The following CALD1 variants were observed in gnomAD, a reference collection of about 807,000 sequenced individuals.
The protein encoded by CALD1 is caldesmon 1, also known as caldesmon.
Under a neutral mutation model 99.9 loss-of-function variants are expected in CALD1, and 33 were observed. The ratio of observed to expected loss-of-function variants is 0.33; its 90% confidence interval spans 0.25 to 0.44. The LOEUF (loss-of-function observed/expected upper bound fraction) is 0.44. Among genes scored for constraint, CALD1 ranks in the 20% least tolerant of loss-of-function variants. CALD1 has a pLI of 1.00. For missense variants in CALD1, 861 were observed against 962.1 expected, an observed-to-expected ratio of 0.89 and a Z score of 1.39; for synonymous variants, 310 against 325.0, an observed-to-expected ratio of 0.95 and a Z score of 0.50.
At chr7:134,785,320 A>C (rs1447279003) in intron 1 of CALD1, among the ~76,000 whole-genome samples, 1 of 152,208 alleles carries the variant, frequency 6.6e-6, no homozygotes, top group Non-Finnish European at 1.5e-5. Context: ...TTTTGGGAAA[A>C]AACATTCTGG....
intron 1 of CALD1, among the ~76,000 whole-genome samples, chr7:134,789,219 C>G (rs1425996072): frequency 6.6e-6 from 1 of 152,030 alleles, no homozygotes; most frequent in Non-Finnish European, 1.5e-5. Flanking sequence ...TTCATAACAG[C>G]TAATTTTACA....
chr7:134,884,079 G>T (rs1801736317), intron 3 of CALD1, among the ~76,000 whole-genome samples: 1 of 150,646 alleles, frequency 6.6e-6, no homozygotes, highest in Admixed American at 6.6e-5. Flanking sequence ...TCCAGCCTGG[G>T]CAACAAGAGT....
chr7:134,886,399 G>A (rs1563068017), intron 3 of CALD1, among the ~76,000 whole-genome samples: 1 of 152,102 alleles, frequency 6.6e-6, no homozygotes, highest in Non-Finnish European at 1.5e-5. Flanking sequence ...GAAGAAAAAA[G>A]AAAAAGCAAA....
chr7:134,715,152 T>C, the CALD1 span, among the ~76,000 whole-genome samples: 1 of 152,194 alleles, frequency 6.6e-6, no homozygotes, highest in Non-Finnish European at 1.5e-5. Context: ...TTCAACTCTT[T>C]AGAAAAAGAA....
In CALD1 at chr7:134,934,042, G is replaced by GAA; in HGVS notation, c.1274_1275dup (p.Asp426LysfsTer9). On this transcript the variant is annotated frameshift_variant, in exon 5 of 15. Coordinates refer to ENST00000361675, the MANE Select transcript of CALD1 (RefSeq NM_033138.4). LOFTEE classifies it high-confidence loss of function. ...ATGGGTAAATGAAAAGAAAGCACAA[G>GAA]AAGATAAACTTCAGACAGCTGTCCT... The GAA allele has an allele frequency of 6.2e-7, 1 of 1,612,402 alleles. No individual in the cohort carries two copies. Among genetic ancestry groups the GAA allele is most frequent in the Non-Finnish European group, 8.5e-7 (1 of 1,179,542 alleles).
chr7:134,717,492 GT>G, the CALD1 span, among the ~76,000 whole-genome samples: 2 of 152,196 alleles, frequency 1.3e-5, no homozygotes, highest in Admixed American at 6.5e-5. Context: ...CCAACTAAAT[GT>G]ACCTGCTTTG....
At chr7:134,824,451 TCTTCTCCTTCTTCTC>T (rs1798905823) in intron 1 of CALD1, among the ~76,000 whole-genome samples, 1 of 150,214 alleles carries the variant, frequency 6.7e-6, no homozygotes. Context: ...TCCTCCTCCT[TCTTCTCCTTCTTCTC>T]CTTCTCCTTC....
At chr7:134,964,591 C>T (rs1231084448) in intron 13 of CALD1, among the ~76,000 whole-genome samples, 2 of 152,116 alleles carry the variant, frequency 1.3e-5, no homozygotes, top group Non-Finnish European at 2.9e-5. Flanking sequence ...CAGAGAAAGT[C>T]CCTAGGCAGA....
chr7:134,964,473 T>C (rs1808518778), intron 13 of CALD1, among the ~76,000 whole-genome samples: 1 of 152,124 alleles, frequency 6.6e-6, no homozygotes, highest in South Asian at 2.1e-4. Flanking sequence ...AAAATAATAT[T>C]GCACCAACAT....
chr7:134,817,669 T>C (rs1206137023), intron 1 of CALD1, among the ~76,000 whole-genome samples: 1 of 152,066 alleles, frequency 6.6e-6, no homozygotes, highest in African/African-American at 2.4e-5. Flanking sequence ...CAGAACAAAG[T>C]CATTGTTCTA....
At chr7:134,901,042 C>T (rs111955797) in intron 3 of CALD1, among the ~76,000 whole-genome samples, 3 of 152,190 alleles carry the variant, frequency 2.0e-5, no homozygotes, top group African/African-American at 7.2e-5. Context: ...TATACGTTGG[C>T]TAACTCTGAT....
At chr7:134,756,427 G>A (rs1796731333) in intron 1 of CALD1, among the ~76,000 whole-genome samples, 1 of 151,670 alleles carries the variant, frequency 6.6e-6, no homozygotes. Flanking sequence ...ATTATATTTG[G>A]AGAAATTATT....
intron 2 of CALD1, among the ~76,000 whole-genome samples, chr7:134,855,217 T>C (rs1258419787): frequency 1.3e-5 from 2 of 152,252 alleles, no homozygotes; most frequent in Non-Finnish European, 2.9e-5. Flanking sequence ...AAAGGTGTTT[T>C]GGTGCTCAAC....
rs1799309056 is a variant in CALD1 at position 134,833,388 on chromosome 7, A to G, written c.-129-10496A>G. On this transcript the variant is annotated intron_variant, in intron 1 of 14. Transcript: ENST00000361675. ...TTATCCTTCATCTGGTTAAAATTCC[A>G]CATTTTAAAAAAGATAGCAGCTTGG... Among the ~76,000 whole-genome samples, 5 of 152,324 alleles carry G rather than the reference A, an allele frequency of 3.3e-5. No homozygotes were observed. The South Asian group carries it at 1.0e-3, about 32-fold the overall frequency.
chr7:134,860,921 G>A (rs1433156100), intron 2 of CALD1, among the ~76,000 whole-genome samples: 2 of 152,200 alleles, frequency 1.3e-5, no homozygotes, highest in African/African-American at 4.8e-5. Context: ...GAGTAAAAAT[G>A]TAGAGGTAGA....
intron 2 of CALD1, among the ~76,000 whole-genome samples, chr7:134,857,353 T>C (rs1301955208): frequency 6.6e-6 from 1 of 151,674 alleles, no homozygotes; most frequent in African/African-American, 2.4e-5. Context: ...GTATTTTTAG[T>C]AGAGACGGGG....
At chr7:134,781,176 G>A (rs1320764195) in intron 1 of CALD1, among the ~76,000 whole-genome samples, 2 of 152,150 alleles carry the variant, frequency 1.3e-5, no homozygotes, top group African/African-American at 2.4e-5. Context: ...TCCTTCCCTC[G>A]AAGAGATCAA....
the CALD1 span, among the ~76,000 whole-genome samples, chr7:134,730,526 A>G: frequency 6.6e-6 from 1 of 152,184 alleles, no homozygotes; most frequent in Non-Finnish European, 1.5e-5. Flanking sequence ...AGCTCCTTGA[A>G]AAGCCCAGAC....
chr7:134,745,729 A>G (rs1224984170), intron 1 of CALD1, among the ~76,000 whole-genome samples: 3 of 152,220 alleles, frequency 2.0e-5, no homozygotes, highest in South Asian at 4.1e-4. Context: ...TCGTTTTGCT[A>G]TACTTTAGAA....
Sources: gnomAD v4.1 joint callset for allele counts (sites outside exome capture counted in the v4.1 genomes callset) on GRCh38, gnomAD v4.1.1 for gene constraint, MANE v1.5 for transcripts, NCBI Gene and HGNC (gene_info 2026-07-23, HGNC 2026-07-21) for gene names.